The following YAF2 variants were observed in gnomAD, a reference collection of about 807,000 sequenced individuals.
YAF2 encodes YY1-associated factor 2.
A neutral mutation model predicts 20.1 loss-of-function variants in YAF2; 7 were observed. That is an observed-to-expected ratio of 0.35 (90% CI 0.20 to 0.65). The LOEUF (loss-of-function observed/expected upper bound fraction) is 0.65, where lower values mean the gene tolerates loss of function less well. Among genes scored for constraint, YAF2 ranks in the 30% least tolerant of loss-of-function variants. YAF2 has a pLI of 0.69. For missense variants in YAF2, 151 were observed against 219.2 expected (o/e 0.69, Z 1.96); for synonymous variants, 74 against 76.0 (o/e 0.97, Z 0.14).
intron 2 of YAF2, among the ~76,000 whole-genome samples, chr12:42,196,754 A>G (rs914604683): frequency 6.6e-6 from 1 of 152,218 alleles, no homozygotes; most frequent in African/African-American, 2.4e-5. Flanking sequence ...TCCAAGTGAA[A>G]GCTCTTGATT....
intron 2 of YAF2, among the ~76,000 whole-genome samples, chr12:42,175,696 C>G (rs1261524974): frequency 4.0e-5 from 5 of 124,812 alleles, no homozygotes; most frequent in African/African-American, 1.6e-4. Context: ...CCAACGAGAT[C>G]GCACCACTAC....
At chr12:42,234,538 C>A in intron 2 of YAF2, 1 of 985,280 alleles carries the variant, frequency 1.0e-6, no homozygotes, top group African/African-American at 1.7e-5. Context: ...ACTGAAGCTA[C>A]AACAAATCAT....
chr12:42,226,938 G>A (rs1159159221), intron 2 of YAF2, among the ~76,000 whole-genome samples: 3 of 149,912 alleles, frequency 2.0e-5, no homozygotes, highest in African/African-American at 4.9e-5. Context: ...TGGTGGCCGC[G>A]GGTGGTGGTT....
intron 2 of YAF2, among the ~76,000 whole-genome samples, chr12:42,188,479 G>A (rs1288417924): frequency 1.1e-4 from 16 of 149,202 alleles, no homozygotes; most frequent in East Asian, 4.0e-4. Flanking sequence ...TCCACCTCTC[G>A]GGCTCAAGCA....
At position 42,158,009 on chromosome 12, in the gene YAF2, A is replaced by C. The variant is rs1446668113; in HGVS notation, c.*2580T>G. 2 of 152,208 alleles carry C rather than the reference A, an allele frequency of 1.3e-5. No homozygotes were observed. The allele number at this position is 152,208 out of a possible 1,614,324, so 9.4% of individuals were successfully genotyped here. A position where few individuals can be genotyped will look rare whatever the true frequency, so the allele number is the denominator to read the frequency against. On this transcript the variant is annotated 3_prime_UTR_variant, in exon 4 of 4. Transcript: ENST00000534854. ...GTATGGAATTTGGCTAAAAGAACCC[A>C]GTGCTCAAACCACACTGTAAGTTCA...
At position 42,224,996 on chromosome 12, in the gene YAF2, G is replaced by C. The variant is rs867288925; in HGVS notation, c.152+12603C>G. Among the ~76,000 whole-genome samples the C allele has an allele frequency of 1.9e-4, 29 of 152,318 alleles. 1 individual carries two copies. In the Middle Eastern group the frequency reaches 0.017, roughly 89 times the overall value. On this transcript the variant is annotated intron_variant, in intron 2 of 3. Transcript: ENST00000534854. ...GAACTAATTTACACTCCCACCAACA[G>C]TGTAAAAGCGTTCCTATTTCTCCAC...
At chr12:42,201,628 G>C (rs989270781) in intron 2 of YAF2, among the ~76,000 whole-genome samples, 1 of 152,168 alleles carries the variant, frequency 6.6e-6, no homozygotes, top group Non-Finnish European at 1.5e-5. Flanking sequence ...CTGGAGGGCA[G>C]TGGCACAATC....
At chr12:42,198,439 G>T (rs534440156) in intron 2 of YAF2, among the ~76,000 whole-genome samples, 3 of 152,050 alleles carry the variant, frequency 2.0e-5, no homozygotes, top group Non-Finnish European at 4.4e-5. Flanking sequence ...ACAAAAATTG[G>T]CCAAGTGTTG....
chr12:42,206,584 G>T (rs1005740083), intron 2 of YAF2, among the ~76,000 whole-genome samples: 33 of 151,380 alleles, frequency 2.2e-4, no homozygotes, highest in African/African-American at 7.8e-4. Flanking sequence ...ACTCCAGCCT[G>T]GGAGACAGAG....
At chr12:42,237,309 G>T in intron 2 of YAF2, 1 of 766,158 alleles carries the variant, frequency 1.3e-6, no homozygotes, top group Non-Finnish European at 1.7e-6. Flanking sequence ...AGAATGGGGA[G>T]AGGGGCATTA....
chr12:42,223,210 T>G (rs541416028), intron 2 of YAF2, among the ~76,000 whole-genome samples: 1 of 152,160 alleles, frequency 6.6e-6, no homozygotes, highest in Admixed American at 6.5e-5. Context: ...TCTTTGCTTA[T>G]TCCTCTTTCC....
At chr12:42,237,539 G>A (rs1324259345) in intron 2 of YAF2, 60 bp downstream of exon 2, 2 of 1,441,556 alleles carry the variant, frequency 1.4e-6, no homozygotes, top group Non-Finnish European at 1.8e-6. Context: ...GCAGCCGCAA[G>A]GGCGTCCTCT....
In YAF2 at chr12:42,159,520, A is replaced by G. The variant is rs1300759753; in HGVS notation, c.*1069T>C. ...ACTTTTTTCCTTTCAGGATACTGAG[A>G]AATGTGTAAACTGGCAGCTGTGTCT... On this transcript the variant is annotated 3_prime_UTR_variant, in exon 4 of 4. Coordinates refer to ENST00000534854, the MANE Select transcript of YAF2 (RefSeq NM_005748.6). 2 of 152,136 alleles carry G rather than the reference A, an allele frequency of 1.3e-5. No individual in the cohort carries two copies. Among genetic ancestry groups the G allele is most frequent in the Non-Finnish European group, 2.9e-5 (2 of 67,960 alleles). 9.4% of individuals were successfully genotyped at this position (152,136 alleles called of 1,614,324 possible). A position where few individuals can be genotyped will look rare whatever the true frequency, so the allele number is the denominator to read the frequency against.
At chr12:42,166,452 G>T (rs965576160) in intron 2 of YAF2, among the ~76,000 whole-genome samples, 2 of 152,182 alleles carry the variant, frequency 1.3e-5, no homozygotes, top group African/African-American at 2.4e-5. Flanking sequence ...AGAAGATAAA[G>T]AATGTTTTCA....
chr12:42,237,381 T>C (rs1405133317), intron 2 of YAF2: 3 of 1,254,254 alleles, frequency 2.4e-6, no homozygotes, highest in East Asian at 7.5e-5. Flanking sequence ...TTATTCTCTC[T>C]TGGCAGCAAA....
chr12:42,161,827 A>G, intron 2 of YAF2, 62 bp from the exon 3 acceptor site: 1 of 1,423,896 alleles, frequency 7.0e-7, no homozygotes, highest in Non-Finnish European at 9.6e-7. Flanking sequence ...GTGCTTTATG[A>G]CAGAATATCT....
At chr12:42,237,488 GC>G in intron 2 of YAF2, 110 bp downstream of exon 2, 1 of 1,359,390 alleles carries the variant, frequency 7.4e-7, no homozygotes, top group Middle Eastern at 2.3e-4. Flanking sequence ...ACCTCCGTCT[GC>G]CTCCTCCCGC....
Position 42,160,209 on chromosome 12 carries a change from A to G in YAF2, c.*380T>C, listed in dbSNP as rs1472804968. 7 of 181,266 alleles carry G rather than the reference A, an allele frequency of 3.9e-5. No individual in the cohort carries two copies. The highest frequency in any genetic ancestry group is 1.7e-4 in the African/African-American group (7 of 41,854). 11.2% of individuals were successfully genotyped at this position (181,266 alleles called of 1,614,324 possible). On this transcript the variant is annotated 3_prime_UTR_variant, in exon 4 of 4. Coordinates refer to ENST00000534854, the MANE Select transcript of YAF2 (RefSeq NM_005748.6). ...ACTATCTGTTTCACAATTCTCAAAT[A>G]ATACATATTTAGGCAGCTTGCACTA...
chr12:42,186,641 C>T (rs1189033181), intron 2 of YAF2, among the ~76,000 whole-genome samples: 1 of 151,782 alleles, frequency 6.6e-6, no homozygotes, highest in East Asian at 1.9e-4. Flanking sequence ...CATGCCATTG[C>T]ACTCTAGCAT....
Sources: gnomAD v4.1 joint callset for allele counts (sites outside exome capture counted in the v4.1 genomes callset) on GRCh38, gnomAD v4.1.1 for gene constraint, MANE v1.5 for transcripts, NCBI Gene and HGNC (gene_info 2026-07-23, HGNC 2026-07-21) for gene names.